Variants in UBE2D2 observed in about 807,000 individuals in gnomAD.
The protein encoded by UBE2D2 is ubiquitin conjugating enzyme E2 D2.
UBE2D2 carries 2 observed loss-of-function variants against 24.2 expected under a neutral mutation model. The ratio of observed to expected loss-of-function variants is 0.08; its 90% CI spans 0.03 to 0.26. The LOEUF (loss-of-function observed/expected upper bound fraction) is 0.26, where lower values mean the gene tolerates loss of function less well. Ranked by LOEUF, UBE2D2 falls within the 10% of genes least tolerant of loss-of-function variation. The probability of loss-of-function intolerance (pLI) is 1.00; values close to 1 mark genes in which losing one functional copy is unlikely to be tolerated. For synonymous variants in UBE2D2, 58 were observed against 56.5 expected (o/e 1.03, Z -0.12); for missense variants, 44 against 177.6 (o/e 0.25, Z 4.28).
chr5:139,538,608 C>T (rs902440256), intron 1 of UBE2D2, among the ~76,000 whole-genome samples: 9 of 152,020 alleles, frequency 5.9e-5, no homozygotes, highest in South Asian at 2.1e-4. Flanking sequence ...CAGTGGCCCA[C>T]GCCTGTAATC....
upstream of UBE2D2, among the ~76,000 whole-genome samples, chr5:139,560,834 A>T (rs1266124806): frequency 6.6e-6 from 1 of 152,046 alleles, no homozygotes; most frequent in Non-Finnish European, 1.5e-5. Context: ...TCTCACTGCA[A>T]CCCGAGCGGC....
At chr5:139,556,176 C>G (rs573420707), upstream of UBE2D2, among the ~76,000 whole-genome samples, 3 of 151,050 alleles carry the variant, frequency 2.0e-5, no homozygotes, top group Non-Finnish European at 4.4e-5. Flanking sequence ...GTAGAGATTG[C>G]GGTGAGCTGA....
intron 1 of UBE2D2, among the ~76,000 whole-genome samples, chr5:139,529,250 C>G (rs571436258): frequency 2.0e-5 from 3 of 152,286 alleles, no homozygotes; most frequent in African/African-American, 7.2e-5. Context: ...CTCTGAACCT[C>G]CCAAGATCAC....
At chr5:139,531,576 C>T (rs1397187261) in intron 1 of UBE2D2, among the ~76,000 whole-genome samples, 1 of 149,754 alleles carries the variant, frequency 6.7e-6, no homozygotes, top group Admixed American at 6.7e-5. Context: ...GCTGAGATTG[C>T]ATCACATACC....
intron 2 of UBE2D2, among the ~76,000 whole-genome samples, chr5:139,610,521 C>T (rs968881800): frequency 2.0e-5 from 3 of 150,702 alleles, no homozygotes; most frequent in African/African-American, 7.3e-5. Context: ...GCCTGGGCAA[C>T]AGAGCGAGAC....
intron 1 of UBE2D2, among the ~76,000 whole-genome samples, chr5:139,535,509 A>C (rs973618290): frequency 6.7e-6 from 1 of 148,788 alleles, no homozygotes; most frequent in Middle Eastern, 3.3e-3. Context: ...GACGCCTGTA[A>C]TCCCAGCTAC....
At chr5:139,620,449 C>T (rs1754494707) in intron 5 of UBE2D2, among the ~76,000 whole-genome samples, 1 of 152,140 alleles carries the variant, frequency 6.6e-6, no homozygotes, top group Non-Finnish European at 1.5e-5. Context: ...CCAGGAAATA[C>T]ATGAAGTCTT....
At chr5:139,587,366 G>A (rs1442420322) in intron 1 of UBE2D2, among the ~76,000 whole-genome samples, 1 of 152,128 alleles carries the variant, frequency 6.6e-6, no homozygotes, top group African/African-American at 2.4e-5. Context: ...TGGAAAGCGA[G>A]CGAAAGCTCA....
intron 6 of UBE2D2, chr5:139,623,665 A>T: frequency 2.9e-5 from 12 of 410,650 alleles, no homozygotes; most frequent in South Asian, 8.0e-5. Context: ...GTTTCACGTG[A>T]CTCCTCTTGT....
At chr5:139,564,063 G>C (rs1753166316) in intron 1 of UBE2D2, among the ~76,000 whole-genome samples, 1 of 152,134 alleles carries the variant, frequency 6.6e-6, no homozygotes, top group Admixed American at 6.5e-5. Flanking sequence ...TGGTAATATA[G>C]TTTCTTATGA....
At chr5:139,626,723 T>G (rs760035746) in intron 6 of UBE2D2, 33 bp from the exon 7 acceptor site, 4 of 1,600,906 alleles carry the variant, frequency 2.5e-6, no homozygotes, top group Non-Finnish European at 1.7e-6. Context: ...ACTCCACACC[T>G]ATGTTAAGCC....
intron 1 of UBE2D2, among the ~76,000 whole-genome samples, chr5:139,527,274 T>A (rs1752552664): frequency 6.6e-6 from 1 of 152,004 alleles, no homozygotes; most frequent in Non-Finnish European, 1.5e-5. Flanking sequence ...TTACAGCTGG[T>A]TTTAGACCCC....
At chr5:139,532,462 T>C (rs1752609335) in intron 1 of UBE2D2, among the ~76,000 whole-genome samples, 1 of 151,782 alleles carries the variant, frequency 6.6e-6, no homozygotes, top group Non-Finnish European at 1.5e-5. Context: ...CGCCATTCTC[T>C]TGCCTCAGCC....
chr5:139,528,587 C>T (rs183263312), intron 1 of UBE2D2, among the ~76,000 whole-genome samples: 35 of 152,314 alleles, frequency 2.3e-4, no homozygotes, highest in African/African-American at 8.4e-4. Context: ...AATAAGCTAA[C>T]TCTTAGACAA....
At chr5:139,562,951 C>T (rs1469947605) in intron 1 of UBE2D2, among the ~76,000 whole-genome samples, 1 of 151,916 alleles carries the variant, frequency 6.6e-6, no homozygotes, top group South Asian at 2.1e-4. Flanking sequence ...ACATCTTTTT[C>T]CTTTTAGTGG....
chr5:139,584,842 T>C (rs1304334984), intron 1 of UBE2D2, among the ~76,000 whole-genome samples: 1 of 151,742 alleles, frequency 6.6e-6, no homozygotes, highest in Non-Finnish European at 1.5e-5. Flanking sequence ...CCAAAACACC[T>C]TTTTCATTCA....
chr5:139,568,755 G>A (rs1241109300), intron 1 of UBE2D2, among the ~76,000 whole-genome samples: 7 of 152,270 alleles, frequency 4.6e-5, no homozygotes, highest in African/African-American at 1.4e-4. Context: ...AGTGGATCAC[G>A]AGGTCAGGAG....
intron 1 of UBE2D2, among the ~76,000 whole-genome samples, chr5:139,596,812 C>T (rs1290589170): frequency 5.3e-5 from 8 of 151,494 alleles, no homozygotes; most frequent in Admixed American, 4.6e-4. Flanking sequence ...TTTGGGAGGC[C>T]GAGGTGGGCA....
chr5:139,528,108 G>A (rs563078972), intron 1 of UBE2D2, among the ~76,000 whole-genome samples: 3 of 152,346 alleles, frequency 2.0e-5, no homozygotes, highest in East Asian at 3.9e-4. Flanking sequence ...AGTTCACTTC[G>A]TGTCTCTCAC....
Sources: allele counts gnomAD v4.1 joint callset (sites outside exome capture counted in the v4.1 genomes callset), GRCh38; gene constraint gnomAD v4.1.1; transcripts MANE v1.5; gene names NCBI Gene and HGNC (gene_info 2026-07-23, HGNC 2026-07-21).